Variants in SYT9 observed in about 807,000 individuals in gnomAD.
The protein encoded by SYT9 is synaptotagmin-9.
SYT9 carries 22 observed loss-of-function variants against 48.4 expected under a neutral mutation model. The observed-to-expected ratio is 0.45, with a 90% CI of 0.32 to 0.65. The LOEUF (loss-of-function observed/expected upper bound fraction) is 0.65. Among genes scored for constraint, SYT9 ranks in the 30% least tolerant of loss-of-function variants. The probability of loss-of-function intolerance (pLI) is 0.03; values close to 1 mark genes in which losing one functional copy is unlikely to be tolerated. For missense variants in SYT9, 577 were observed against 622.0 expected (o/e 0.93, Z 0.77); for synonymous variants, 265 against 245.0 (o/e 1.08, Z -0.76).
intron 2 of SYT9, among the ~76,000 whole-genome samples, chr11:7,308,895 A>G (rs1849080822): frequency 6.6e-6 from 1 of 152,226 alleles, no homozygotes; most frequent in Admixed American, 6.5e-5. Context: ...GGACTAACCT[A>G]GAGCTGGGAC....
At chr11:7,405,332 C>G (rs946149255) in intron 3 of SYT9, among the ~76,000 whole-genome samples, 3 of 152,102 alleles carry the variant, frequency 2.0e-5, no homozygotes, top group Non-Finnish European at 4.4e-5. Context: ...TTGTGACGAG[C>G]AAAAATTCCT....
chr11:7,366,479 A>G (rs1850246230), intron 3 of SYT9, among the ~76,000 whole-genome samples: 1 of 152,210 alleles, frequency 6.6e-6, no homozygotes, highest in African/African-American at 2.4e-5. Context: ...ATTAATAGAC[A>G]TCCACACTAA....
At chr11:7,243,755 C>CT (rs1434899156) in intron 1 of SYT9, among the ~76,000 whole-genome samples, 1 of 152,106 alleles carries the variant, frequency 6.6e-6, no homozygotes, top group East Asian at 1.9e-4. Context: ...CATTGGAATT[C>CT]TTTTTTCTGG....
At chr11:7,452,573 C>G (rs1277177079) in intron 6 of SYT9, among the ~76,000 whole-genome samples, 1 of 152,222 alleles carries the variant, frequency 6.6e-6, no homozygotes, top group Non-Finnish European at 1.5e-5. Context: ...TCCATTAGGA[C>G]AGCTCTGAAC....
At chr11:7,251,884 C>T (rs1167803388), upstream of SYT9, 3 of 281,444 alleles carry the variant, frequency 1.1e-5, no homozygotes, top group East Asian at 1.2e-4. Context: ...GAGTAGCGGG[C>T]GGAGCGCAAG....
At chr11:7,377,759 TC>T (rs922983314) in intron 3 of SYT9, among the ~76,000 whole-genome samples, 1 of 152,082 alleles carries the variant, frequency 6.6e-6, no homozygotes, top group Non-Finnish European at 1.5e-5. Context: ...TATGGCCACT[TC>T]CCTCTTTACT....
intron 6 of SYT9, 86 bp downstream of exon 6, chr11:7,420,721 A>G (rs11041373): frequency 0.15 from 225,852 of 1,534,498 alleles, 17,506 homozygotes; most frequent in East Asian, 0.3. Context: ...ATATGAGTGC[A>G]CCAGGATCTA....
chr11:7,282,684 A>T (rs1013660814), intron 1 of SYT9, among the ~76,000 whole-genome samples: 1 of 152,036 alleles, frequency 6.6e-6, no homozygotes, highest in African/African-American at 2.4e-5. Context: ...GCATGGTGGG[A>T]AGTCCCTGAG....
intron 6 of SYT9, among the ~76,000 whole-genome samples, chr11:7,460,243 C>T (rs1393306227): frequency 6.6e-6 from 1 of 152,108 alleles, no homozygotes. Flanking sequence ...TTGTTCTTTG[C>T]TAAATTCTCA....
At chr11:7,276,387 G>A (rs1319410680) in intron 1 of SYT9, among the ~76,000 whole-genome samples, 1 of 152,186 alleles carries the variant, frequency 6.6e-6, no homozygotes, top group East Asian at 1.9e-4. Flanking sequence ...ATGGAAGCCA[G>A]AGTGGTCTTT....
At chr11:7,315,182 G>A (rs368730246) in intron 3 of SYT9, among the ~76,000 whole-genome samples, 1 of 152,200 alleles carries the variant, frequency 6.6e-6, no homozygotes, top group East Asian at 1.9e-4. Flanking sequence ...AATAGCAGTT[G>A]ATGAAACCAA....
At position 7,252,257 on chromosome 11, in the gene SYT9, C is replaced by T. The variant is rs1351674483; in HGVS notation, c.71C>T (p.Ala24Val). ...CTGGCCGAGCTCTGTGCCCGTGGGG[C>T]CCTGGAGCACGACAGCTGCCAGGAT... ...QLLAELCARG[A>V]LEHDSCQDFI... The change falls in exon 1 of 7, where the codon GCC becomes GTC. Residue 24 changes from alanine to valine, a missense_variant. Coordinates refer to ENST00000318881, the MANE Select transcript of SYT9 (RefSeq NM_175733.4). This position sits in a 1 kb window ranked among gnomAD's most constrained non-coding sequence, Gnocchi z 6.3. 1.3e-6 allele frequency: 2 copies of T among 1,507,740 alleles called. No homozygotes were observed. The highest frequency in any genetic ancestry group is 1.4e-5 in the African/African-American group (1 of 69,186). 93.4% of individuals were successfully genotyped at this position (1,507,740 alleles called of 1,614,324 possible). A position where few individuals can be genotyped will look rare whatever the true frequency, so the allele number is the denominator to read the frequency against.
At chr11:7,463,722 C>T (rs879705523) in intron 6 of SYT9, among the ~76,000 whole-genome samples, 2 of 152,082 alleles carry the variant, frequency 1.3e-5, no homozygotes, top group South Asian at 2.1e-4. Context: ...ACCTTAGTGG[C>T]GCTGTCCAGA....
At chr11:7,455,444 C>T (rs914475595) in intron 6 of SYT9, among the ~76,000 whole-genome samples, 1 of 151,704 alleles carries the variant, frequency 6.6e-6, no homozygotes, top group Admixed American at 6.6e-5. Flanking sequence ...AGCGATTCTC[C>T]TACCTCAGCC....
At chr11:7,269,743 A>G (rs1169993792) in intron 1 of SYT9, among the ~76,000 whole-genome samples, 1 of 152,186 alleles carries the variant, frequency 6.6e-6, no homozygotes, top group African/African-American at 2.4e-5. Flanking sequence ...TCATATTGCC[A>G]TCCCTAGCTA....
At chr11:7,320,592 C>T (rs957783414) in intron 3 of SYT9, among the ~76,000 whole-genome samples, 10 of 152,302 alleles carry the variant, frequency 6.6e-5, no homozygotes, top group African/African-American at 2.2e-4. Flanking sequence ...TTATGAGGGA[C>T]TAATTTGTTG....
chr11:7,452,690 A>G (rs543616982), intron 6 of SYT9, among the ~76,000 whole-genome samples: 7 of 152,200 alleles, frequency 4.6e-5, no homozygotes, highest in Admixed American at 3.9e-4. Context: ...CAAGATAGCA[A>G]TGGAGCCAGT....
intron 3 of SYT9, among the ~76,000 whole-genome samples, chr11:7,404,922 T>G (rs1459834385): frequency 6.6e-6 from 1 of 152,086 alleles, no homozygotes; most frequent in Non-Finnish European, 1.5e-5. Context: ...GATAGAGAAT[T>G]CACATCAGCT....
intron 3 of SYT9, among the ~76,000 whole-genome samples, chr11:7,375,441 A>G (rs1372566864): frequency 6.6e-6 from 1 of 152,092 alleles, no homozygotes; most frequent in Non-Finnish European, 1.5e-5. Flanking sequence ...TAGTTTTTCT[A>G]ATCCTGTGAA....
Sources: gnomAD v4.1 joint callset for allele counts (sites outside exome capture counted in the v4.1 genomes callset) on GRCh38, gnomAD v4.1.1 for gene constraint, Gnocchi (gnomAD v3.1) non-coding constraint, MANE v1.5 for transcripts, NCBI Gene and HGNC (gene_info 2026-07-23, HGNC 2026-07-21) for gene names.